CACNG3: variants seen among roughly 807,000 people sequenced by gnomAD.
CACNG3 encodes calcium voltage-gated channel auxiliary subunit gamma 3, also known as voltage-dependent calcium channel gamma-3 subunit.
A neutral mutation model predicts 28.5 loss-of-function variants in CACNG3; 3 were observed. The observed-to-expected ratio is 0.11, with a 90% CI of 0.05 to 0.27. The LOEUF is 0.27. Ranked by LOEUF, CACNG3 falls within the 10% of genes least tolerant of loss-of-function variation. CACNG3 has a pLI of 1.00. For synonymous variants in CACNG3, 174 were observed against 162.2 expected, an observed-to-expected ratio of 1.07 and a Z score of -0.55; for missense variants, 236 against 414.4, an observed-to-expected ratio of 0.57 and a Z score of 3.74.
intron 2 of CACNG3, among the ~76,000 whole-genome samples, chr16:24,348,521 A>G (rs973490495): frequency 3.9e-5 from 6 of 152,200 alleles, no homozygotes; most frequent in Admixed American, 1.3e-4. Context: ...CAGCTCAAAG[A>G]GGAGAGAAGG....
chr16:24,323,147 A>T (rs1899487243), intron 1 of CACNG3, among the ~76,000 whole-genome samples: 1 of 144,468 alleles, frequency 6.9e-6, no homozygotes, highest in Non-Finnish European at 1.5e-5. Context: ...GGATCAGTTG[A>T]GCCTGGGAGG....
intron 1 of CACNG3, among the ~76,000 whole-genome samples, chr16:24,284,883 CAA>C (rs3216343): frequency 0.22 from 33,134 of 151,626 alleles, 3,913 homozygotes; most frequent in East Asian, 0.45. Context: ...TGGTTCTCAG[CAA>C]GTCATTGATA....
intron 1 of CACNG3, among the ~76,000 whole-genome samples, chr16:24,264,144 A>G (rs924039889): frequency 3.3e-5 from 5 of 152,242 alleles, no homozygotes; most frequent in African/African-American, 7.2e-5. Context: ...CTCACCTGGG[A>G]GAGCAGCCCA....
At chr16:24,307,381 C>T (rs1473680227) in intron 1 of CACNG3, among the ~76,000 whole-genome samples, 1 of 152,108 alleles carries the variant, frequency 6.6e-6, no homozygotes, top group African/African-American at 2.4e-5. Context: ...CTCAGCCTCC[C>T]AAAGTGCTAG....
chr16:24,267,964 C>T (rs941069445), intron 1 of CACNG3, among the ~76,000 whole-genome samples: 5 of 152,222 alleles, frequency 3.3e-5, no homozygotes, highest in Admixed American at 3.3e-4. Flanking sequence ...AGCTACCGTG[C>T]CCGGCCTCAT....
At chr16:24,308,482 CA>C (rs963807397) in intron 1 of CACNG3, among the ~76,000 whole-genome samples, 39 of 152,172 alleles carry the variant, frequency 2.6e-4, no homozygotes, top group African/African-American at 9.4e-4. Flanking sequence ...GCCGTCCTTG[CA>C]GCTGGACAGT....
chr16:24,354,185 C>T (rs1171467993), intron 2 of CACNG3, among the ~76,000 whole-genome samples: 1 of 152,090 alleles, frequency 6.6e-6, no homozygotes, highest in Non-Finnish European at 1.5e-5. Context: ...GAACAAGCAT[C>T]ATCTCAAAAA....
intron 3 of CACNG3, among the ~76,000 whole-genome samples, chr16:24,359,764 G>T (rs1369489625): frequency 4.6e-5 from 7 of 152,160 alleles, no homozygotes; most frequent in Non-Finnish European, 1.0e-4. Context: ...TCAGGAGGCT[G>T]AGGAGGGAAG....
Position 24,262,181 on chromosome 16 carries a change from C to T in CACNG3, c.211+5216C>T, listed in dbSNP as rs151191417. The stretch of plus-strand genomic sequence containing the variant: ...CTAGATTTAATGCTGCACCCTCCCT[C>T]AGACATGGGTTCAGAATGTGCTGGA... On this transcript the variant is annotated intron_variant, in intron 1 of 3. Transcript: ENST00000005284. Among the ~76,000 whole-genome samples the T allele has an allele frequency of 4.6e-4, 70 of 152,332 alleles. 1 individual carries two copies. The highest frequency in any genetic ancestry group is 1.3e-3 in the African/African-American group (55 of 41,582).
chr16:24,317,614 GAAAGAAAGAAAGACAGACAGAAAGAAA>G (rs1899380438), intron 1 of CACNG3, among the ~76,000 whole-genome samples: 2 of 66,006 alleles, frequency 3.0e-5, no homozygotes, highest in African/African-American at 6.8e-5. Flanking sequence ...AAGAAAGAAA[GAAAGAAAGAAAGACAGACAGAAAGAAA>G]GAAAAGAAAA....
chr16:24,299,561 G>A (rs12598144), intron 1 of CACNG3, among the ~76,000 whole-genome samples: 47,121 of 152,026 alleles, frequency 0.31, 7,604 homozygotes, highest in South Asian at 0.44. Flanking sequence ...TTGGGATAAT[G>A]CTGTTCCTGT....
At position 24,350,502 on chromosome 16, in the gene CACNG3, G is replaced by T. The variant is rs188570747; in HGVS notation, c.295+3685G>T. 1.3e-4 allele frequency among the ~76,000 whole-genome samples: 20 copies of T among 152,086 alleles called. No individual in the cohort carries two copies. The East Asian group carries it at 2.1e-3, about 16-fold the overall frequency. ...TTTTTTGTAGAGTTGGGGTCCCCCT[G>T]TGTTGCCCAGGCTGGTCTCAAACTC... is the stretch of plus-strand genomic sequence containing the variant. On this transcript the variant is annotated intron_variant, in intron 2 of 3. Transcript: ENST00000005284.
chr16:24,325,746 G>T (rs1284427581), intron 1 of CACNG3, among the ~76,000 whole-genome samples: 1 of 152,242 alleles, frequency 6.6e-6, no homozygotes, highest in African/African-American at 2.4e-5. Context: ...GAGTTGCTCA[G>T]GTTTGCAGAG....
intron 1 of CACNG3, among the ~76,000 whole-genome samples, chr16:24,328,404 C>T (rs937984229): frequency 1.3e-4 from 20 of 149,028 alleles, no homozygotes; most frequent in Non-Finnish European, 2.5e-4. Flanking sequence ...CAGAGGATCT[C>T]GTAGGCCAGG....
At chr16:24,294,790 G>A (rs1299877895) in intron 1 of CACNG3, among the ~76,000 whole-genome samples, 1 of 152,166 alleles carries the variant, frequency 6.6e-6, no homozygotes, top group Non-Finnish European at 1.5e-5. Flanking sequence ...TGCCGTAAGA[G>A]TCTTGTGACA....
Position 24,256,514 on chromosome 16 carries a change from A to G in CACNG3, c.-241A>G. 1.9e-6 allele frequency: 1 copy of G among 523,778 alleles called. No individual in the cohort carries two copies. Among genetic ancestry groups the G allele is most frequent in the Non-Finnish European group, 3.4e-6 (1 of 291,448 alleles). The allele number at this position is 523,778 out of a possible 1,614,324, so 32.4% of individuals were successfully genotyped here. A position where few individuals can be genotyped will look rare whatever the true frequency, so the allele number is the denominator to read the frequency against. On this transcript the variant is annotated 5_prime_UTR_variant, in exon 1 of 4. Coordinates refer to ENST00000005284, the MANE Select transcript of CACNG3 (RefSeq NM_006539.4). This position sits in a 1 kb window ranked among gnomAD's most constrained non-coding sequence, Gnocchi z 4.6. ...AACCCAGGGACCCTCAGAAGGCAGC[A>G]GTGATGCGGACCAACCCCCCGGAGC...
intron 1 of CACNG3, among the ~76,000 whole-genome samples, chr16:24,301,484 G>A (rs1899111207): frequency 6.6e-6 from 1 of 152,204 alleles, no homozygotes; most frequent in Admixed American, 6.5e-5. Flanking sequence ...CGTATGCGGT[G>A]TTGGGAGAAG....
intron 1 of CACNG3, among the ~76,000 whole-genome samples, chr16:24,307,003 C>T (rs1899194565): frequency 6.6e-6 from 1 of 152,218 alleles, no homozygotes; most frequent in African/African-American, 2.4e-5. Flanking sequence ...CACAAAGGAG[C>T]TGCCTCAGCC....
chr16:24,277,195 G>T (rs950000278), intron 1 of CACNG3, among the ~76,000 whole-genome samples: 2 of 152,194 alleles, frequency 1.3e-5, no homozygotes, highest in Non-Finnish European at 2.9e-5. Context: ...AGTCCATGTG[G>T]TTTGGGTGGA....
Sources: gnomAD v4.1 joint callset for allele counts (sites outside exome capture counted in the v4.1 genomes callset) on GRCh38, gnomAD v4.1.1 for gene constraint, Gnocchi (gnomAD v3.1) non-coding constraint, MANE v1.5 for transcripts, NCBI Gene and HGNC (gene_info 2026-07-23, HGNC 2026-07-21) for gene names.